GALNT5: variants seen among roughly 807,000 people sequenced by gnomAD.
GALNT5 encodes the protein polypeptide N-acetylgalactosaminyltransferase 5, also known as UDP-GalNAc:polypeptide N-acetylgalactosaminyltransferase 5.
In GALNT5, 72 loss-of-function variants were observed where a neutral mutation model predicts 85.4. That is an observed-to-expected ratio of 0.84 (90% CI 0.70 to 1.03). The LOEUF (loss-of-function observed/expected upper bound fraction) is 1.03. Ranked by LOEUF, GALNT5 falls within the 50% of genes least tolerant of loss-of-function variation. The pLI, the probability that GALNT5 is intolerant of heterozygous loss-of-function variation, is 0.00. For missense variants in GALNT5, 1,137 were observed against 1,135.5 expected, an observed-to-expected ratio of 1.00 and a Z score of -0.02; for synonymous variants, 404 against 397.0, an observed-to-expected ratio of 1.02 and a Z score of -0.21.
In GALNT5 at chr2:157,282,630, T is replaced by TG. The variant is rs566471290; in HGVS notation, c.1455-1651dup. Among the ~76,000 whole-genome samples the TG allele has an allele frequency of 5.9e-4, 90 of 152,314 alleles. 1 individual carries two copies. In the Middle Eastern group the frequency reaches 0.014, roughly 23 times the overall value. ...ATAGGTACATGTTTAATTTCAGCTT[T>TG]GTAGTTGGCAAATTGAGGTTCAAAG... is the stretch of plus-strand genomic sequence containing the variant. On this transcript the variant is annotated intron_variant, in intron 1 of 9. Transcript: ENST00000259056.
rs918209049 is a variant in GALNT5 at position 157,317,517 on chromosome 2, A to G, written c.*6169A>G. Among the ~76,000 whole-genome samples, 19 of 152,254 alleles carry G rather than the reference A, an allele frequency of 1.2e-4. No homozygotes were observed. Among genetic ancestry groups the G allele is most frequent in the Non-Finnish European group, 1.8e-4 (12 of 67,976 alleles). On this transcript the variant is annotated 3_prime_UTR_variant, in exon 10 of 10. Coordinates refer to ENST00000259056, the MANE Select transcript of GALNT5 (RefSeq NM_014568.3). Reference sequence around the variant, plus strand: ...TTAGCTTAAAAACAAGAGAAGCCAAAGATTAAGTAAGTGAATTGTGTTAAA... The same window carrying G: ...TTAGCTTAAAAACAAGAGAAGCCAAGGATTAAGTAAGTGAATTGTGTTAAA...
At chr2:157,300,574 A>G in intron 6 of GALNT5, 102 bp from the exon 7 acceptor site, 1 of 853,588 alleles carries the variant, frequency 1.2e-6, no homozygotes, top group South Asian at 1.6e-5. Context: ...GTTGAGTATT[A>G]CTTCAGGTAG....
At chr2:157,301,734 T>C (rs762545732) in intron 7 of GALNT5, 5 of 152,330 alleles carry the variant, frequency 3.3e-5, no homozygotes, top group Non-Finnish European at 5.9e-5. Flanking sequence ...CAGTGGGAAG[T>C]TATTGAGCAG....
At chr2:157,263,221 A>G (rs1682387970) in intron 1 of GALNT5, among the ~76,000 whole-genome samples, 1 of 152,056 alleles carries the variant, frequency 6.6e-6, no homozygotes, top group Non-Finnish European at 1.5e-5. Context: ...CCTTTGTGGT[A>G]TAGCAATAGC....
chr2:157,259,495 G>T lies in GALNT5; in HGVS notation c.1413G>T (p.Leu471Phe). The change falls in exon 1 of 10, where the codon TTG becomes TTT. Residue 471 changes from leucine (L) to phenylalanine (F), a missense_variant. Leu to Phe is a conservative substitution (Grantham distance 22). Coordinates refer to ENST00000259056, the MANE Select transcript of GALNT5 (RefSeq NM_014568.3). The part of the protein sequence containing the change: ...EGNFNVYLSD[L>F]IPVDRAIEDT... Reference sequence around the variant, plus strand: ...ACTTCAATGTCTACCTTAGCGATTTGATCCCAGTGGATAGAGCCATTGAAG... The same window carrying T: ...ACTTCAATGTCTACCTTAGCGATTTTATCCCAGTGGATAGAGCCATTGAAG... 1 of 1,422,600 alleles carries T rather than the reference G, an allele frequency of 7.0e-7. No individual in the cohort carries two copies. Among genetic ancestry groups the T allele is most frequent in the South Asian group, 1.9e-5 (1 of 51,410 alleles). 88.1% of individuals were successfully genotyped at this position (1,422,600 alleles called of 1,614,324 possible).
rs1387251914 is a variant in GALNT5, at chr2:157,262,661, CAAT to C, written c.1454+3128_1454+3130del. ...ACAACAACAACAACAACAACAACAA[CAAT>C]AAAAAGGTAGAGGAGACAGGCAGGG... is the stretch of plus-strand genomic sequence containing the variant. On this transcript the variant is annotated intron_variant, in intron 1 of 9. Transcript: ENST00000259056. Among the ~76,000 whole-genome samples, 863 of 97,182 alleles carry C rather than the reference CAAT, an allele frequency of 8.9e-3. 28 individuals carry two copies. The highest frequency in any genetic ancestry group is 0.064 in the African/African-American group (790 of 12,362). 63.8% of individuals were successfully genotyped at this position (97,182 alleles called of 152,430 possible).
intron 1 of GALNT5, among the ~76,000 whole-genome samples, chr2:157,275,160 A>C (rs886589458): frequency 2.0e-5 from 3 of 152,118 alleles, no homozygotes; most frequent in African/African-American, 7.2e-5. Flanking sequence ...GTTATTTCTG[A>C]GGCCTCTGTT....
chr2:157,299,798 G>T, intron 6 of GALNT5, 133 bp downstream of exon 6: 1 of 506,962 alleles, frequency 2.0e-6, no homozygotes. Context: ...AGGGTCTCTG[G>T]ATTAATTTTT....
chr2:157,293,673 G>A (rs1044671676), intron 3 of GALNT5, among the ~76,000 whole-genome samples: 4 of 152,112 alleles, frequency 2.6e-5, no homozygotes, highest in Admixed American at 6.5e-5. Flanking sequence ...GAATCCTCAA[G>A]AACACTCCAC....
intron 6 of GALNT5, among the ~76,000 whole-genome samples, chr2:157,300,436 A>G (rs544909516): frequency 6.6e-6 from 1 of 152,330 alleles, no homozygotes; most frequent in Admixed American, 6.5e-5. Context: ...TTACAAATTA[A>G]AAAAAACTTA....
intron 3 of GALNT5, among the ~76,000 whole-genome samples, chr2:157,292,553 A>G (rs958022633): frequency 6.6e-6 from 1 of 152,184 alleles, no homozygotes; most frequent in African/African-American, 2.4e-5. Context: ...AAGTGAATGC[A>G]GGTTTGGGGA....
In GALNT5 at chr2:157,305,807, A is replaced by G. The variant is rs756472706; in HGVS notation, c.2498A>G (p.Glu833Gly). The stretch of plus-strand genomic sequence containing the variant: ...ATTGAAAACACTACAGTCATTCTGG[A>G]AGACTGCGATGGGAGCAAAGAGGTA... ...ISIENTTVIL[E>G]DCDGSKELQQ... The change falls in exon 8 of 10, where the codon GAA becomes GGA. Residue 833 changes from glutamate (E) to glycine (G), a missense_variant. By Grantham distance (98) the Glu-to-Gly change is moderately conservative (BLOSUM62 -2). Transcript: ENST00000259056. The G allele has an allele frequency of 2.5e-6, 4 of 1,606,166 alleles. No homozygotes were observed. The highest frequency in any genetic ancestry group is 3.4e-6 in the Non-Finnish European group (4 of 1,172,898).
At position 157,317,772 on chromosome 2, in the gene GALNT5, A is replaced by G. The variant is rs1426650642; in HGVS notation, c.*6424A>G. On this transcript the variant is annotated 3_prime_UTR_variant, in exon 10 of 10. Coordinates refer to ENST00000259056, the MANE Select transcript of GALNT5 (RefSeq NM_014568.3). ...TGGCAGTTAGCTACTAGAGATCATC[A>G]TTTGATTTTGTAGTTTGCCATGTTC... is the stretch of plus-strand genomic sequence containing the variant. Among the ~76,000 whole-genome samples the G allele has an allele frequency of 6.6e-6, 1 of 152,086 alleles. No individual in the cohort carries two copies. The highest frequency in any genetic ancestry group is 1.5e-5 in the Non-Finnish European group (1 of 67,994).
At position 157,311,516 on chromosome 2, in the gene GALNT5, A is replaced by G; in HGVS notation, c.*168A>G. ...TTGGAATACCAAAAGATGACTCAGG[A>G]AAACAGTCCAACATTGGACTGAAGT... is the stretch of plus-strand genomic sequence containing the variant. On this transcript the variant is annotated 3_prime_UTR_variant, in exon 10 of 10. Coordinates refer to ENST00000259056, the MANE Select transcript of GALNT5 (RefSeq NM_014568.3). 1.8e-6 allele frequency: 1 copy of G among 545,088 alleles called. No homozygotes were observed. Among genetic ancestry groups the G allele is most frequent in the Non-Finnish European group, 3.1e-6 (1 of 320,358 alleles). 33.8% of individuals were successfully genotyped at this position (545,088 alleles called of 1,614,324 possible). A position where few individuals can be genotyped will look rare whatever the true frequency, so the allele number is the denominator to read the frequency against.
At position 157,307,939 on chromosome 2, in the gene GALNT5, G is replaced by A. The variant is rs141406694; in HGVS notation, c.2521-628G>A. Among the ~76,000 whole-genome samples, 992 of 152,282 alleles carry A rather than the reference G, an allele frequency of 6.5e-3. 9 individuals are homozygous for A. The highest frequency in any genetic ancestry group is 0.017 in the African/African-American group (706 of 41,550). ...TGAATTGGTACTTATTTTAGACACT[G>A]GCAATTTCTCCAAGAGCAGTTTCTA... On this transcript the variant is annotated intron_variant, in intron 8 of 9. Transcript: ENST00000259056.
At chr2:157,271,493 G>C (rs943475894) in intron 1 of GALNT5, among the ~76,000 whole-genome samples, 1 of 152,218 alleles carries the variant, frequency 6.6e-6, no homozygotes, top group Non-Finnish European at 1.5e-5. Context: ...GAGAAAGAGA[G>C]TGGATGCTCA....
At chr2:157,307,907 C>T (rs1683487768) in intron 8 of GALNT5, among the ~76,000 whole-genome samples, 2 of 152,190 alleles carry the variant, frequency 1.3e-5, no homozygotes, top group Admixed American at 1.3e-4. Context: ...AACATGGTTT[C>T]ATTACCTGAA....
chr2:157,284,931 G>T (rs1682939181), intron 2 of GALNT5, among the ~76,000 whole-genome samples: 1 of 152,218 alleles, frequency 6.6e-6, no homozygotes, highest in South Asian at 2.1e-4. Context: ...AATAGGACAA[G>T]AGAGATGAGG....
At chr2:157,275,356 A>G (rs1220335148) in intron 1 of GALNT5, among the ~76,000 whole-genome samples, 2 of 152,138 alleles carry the variant, frequency 1.3e-5, no homozygotes, top group African/African-American at 4.8e-5. Context: ...GTTTTTTCCA[A>G]TTCTGTGAAG....
Sources: gnomAD v4.1 joint callset for allele counts (sites outside exome capture counted in the v4.1 genomes callset) on GRCh38, gnomAD v4.1.1 for gene constraint, MANE v1.5 for transcripts, NCBI Gene and HGNC (gene_info 2026-07-23, HGNC 2026-07-21) for gene names.